The following RCN3 variants were observed in gnomAD, a reference collection of about 807,000 sequenced individuals.
RCN3 encodes the protein reticulocalbin-3.
A neutral mutation model predicts 35.9 loss-of-function variants in RCN3; 41 were observed. That is an observed-to-expected ratio of 1.14 (90% confidence interval 0.89 to 1.48). The LOEUF is 1.48. Ranked by LOEUF, RCN3 falls within the 40% of genes most tolerant of loss-of-function variation. RCN3 has a pLI of 0.00. For synonymous variants in RCN3, 187 were observed against 193.4 expected, an observed-to-expected ratio of 0.97 and a Z score of 0.27; for missense variants, 451 against 471.3, an observed-to-expected ratio of 0.96 and a Z score of 0.40.
chr19:49,532,855 T>C (rs1474939602), intron 2 of RCN3, among the ~76,000 whole-genome samples: 2 of 151,928 alleles, frequency 1.3e-5, no homozygotes, highest in East Asian at 3.9e-4. Flanking sequence ...TTTGTATTTT[T>C]AGTAGAGACA....
In RCN3 at chr19:49,537,164, C is replaced by A; in HGVS notation, c.577C>A (p.His193Asn). 1 of 1,574,090 alleles carries A rather than the reference C, an allele frequency of 6.4e-7. No individual in the cohort carries two copies. The highest frequency in any genetic ancestry group is 8.6e-7 in the Non-Finnish European group (1 of 1,158,488). The change falls in exon 4 of 7, where the codon CAC (histidine) becomes AAC (asparagine). Residue 193 changes from histidine to asparagine, a missense_variant. His to Asn is a moderately conservative substitution (Grantham distance 68). Transcript: ENST00000270645. ...ATREELTAFL[H>N]PEEFPHMRDI... is the part of the protein sequence containing the mutation. ...TCGAGAGGAGCTGACAGCCTTCCTG[C>A]ACCCCGAGGAGTTCCCTCACATGCG...
At chr19:49,540,809 G>A (rs956189634) in intron 5 of RCN3, among the ~76,000 whole-genome samples, 1 of 151,904 alleles carries the variant, frequency 6.6e-6, no homozygotes, top group African/African-American at 2.4e-5. Context: ...CTAGAGGGGT[G>A]AGGATGCTAC....
At position 49,543,254 on chromosome 19, in the gene RCN3, AC is replaced by A; in HGVS notation, c.*43del. 1 of 1,524,626 alleles carries A rather than the reference AC, an allele frequency of 6.6e-7. No homozygotes were observed. 94.4% of individuals were successfully genotyped at this position (1,524,626 alleles called of 1,614,324 possible). On this transcript the variant is annotated 3_prime_UTR_variant, in exon 7 of 7. Coordinates refer to ENST00000270645, the MANE Select transcript of RCN3 (RefSeq NM_020650.3). ...CACAGCCTCAGAGGCCCGCACAATG[AC>A]CGGAGGAGGGGCCGCTGTGGTCTGG... is the stretch of plus-strand genomic sequence containing the variant.
chr19:49,538,870 T>G (rs192911496), intron 4 of RCN3, among the ~76,000 whole-genome samples: 13 of 152,280 alleles, frequency 8.5e-5, no homozygotes, highest in African/African-American at 3.1e-4. Flanking sequence ...AACAAACCTG[T>G]GCACTGCTGG....
intron 3 of RCN3, among the ~76,000 whole-genome samples, chr19:49,535,865 T>TAGATAGATAG (rs1355882440): frequency 8.1e-4 from 115 of 142,414 alleles, no homozygotes; most frequent in African/African-American, 3.0e-3. Context: ...AAAAAAAATA[T>TAGATAGATAG]ATATATATAT....
intron 2 of RCN3, 83 bp downstream of exon 2, chr19:49,528,797 T>G (rs1193477056): frequency 5.8e-6 from 8 of 1,378,802 alleles, no homozygotes; most frequent in Non-Finnish European, 7.7e-6. Context: ...GTCAGAGAAA[T>G]GGCGTGGACT....
chr19:49,537,819 A>G (rs1315075018), intron 4 of RCN3, among the ~76,000 whole-genome samples: 1 of 143,384 alleles, frequency 7.0e-6, no homozygotes, highest in Non-Finnish European at 1.5e-5. Context: ...TTTTTTTTCT[A>G]GTAGAGATGG....
At chr19:49,530,285 G>A (rs947170776) in intron 2 of RCN3, among the ~76,000 whole-genome samples, 3 of 149,648 alleles carry the variant, frequency 2.0e-5, no homozygotes, top group African/African-American at 7.4e-5. Context: ...TCAGCCTTCC[G>A]AGTAGCTGGG....
At chr19:49,533,705 G>C (rs893545876) in intron 2 of RCN3, among the ~76,000 whole-genome samples, 32 of 152,142 alleles carry the variant, frequency 2.1e-4, no homozygotes, top group African/African-American at 7.2e-4. Flanking sequence ...GCCTGGTAAG[G>C]GGGAGGGGCA....
In RCN3 at chr19:49,542,731, G is replaced by A; in HGVS notation, c.858G>A (p.Leu286=). Reference sequence around the variant, plus strand: ...CCCTGGTGGAAGCCAACCACCTGCTGCACGAGAGCGACACGGACAAGGTGC... The same window carrying A: ...CCCTGGTGGAAGCCAACCACCTGCTACACGAGAGCGACACGGACAAGGTGC... The part of the protein sequence containing the change: ...DQPLVEANHL[L]HESDTDKDGR... The change falls in exon 6 of 7, where the codon CTG becomes CTA. Residue 286 remains leucine (L), a synonymous_variant. Transcript: ENST00000270645. The A allele has an allele frequency of 6.3e-7, 1 of 1,591,022 alleles. No individual in the cohort carries two copies. The highest frequency in any genetic ancestry group is 2.3e-5 in the East Asian group (1 of 44,126).
intron 5 of RCN3, among the ~76,000 whole-genome samples, chr19:49,540,863 C>G (rs1477937496): frequency 2.6e-5 from 4 of 151,818 alleles, no homozygotes; most frequent in Admixed American, 2.6e-4. Context: ...TTAGCATTCT[C>G]CGGTGCACAG....
At chr19:49,542,127 G>A (rs1305429090) in intron 5 of RCN3, among the ~76,000 whole-genome samples, 1 of 151,860 alleles carries the variant, frequency 6.6e-6, no homozygotes, top group Non-Finnish European at 1.5e-5. Flanking sequence ...TTGAATCTTG[G>A]CCTCAAATGA....
Position 49,537,129 on chromosome 19 carries a change from C to G in RCN3, c.542C>G (p.Ser181Trp), listed in dbSNP as rs1204022276. ...CGGGTGGCCGACCAGGATGGGGACTCGATGGCCACTCGAGAGGAGCTGACA... is the reference window on the plus strand; with the variant it reads ...CGGGTGGCCGACCAGGATGGGGACTGGATGGCCACTCGAGAGGAGCTGACA... ...RFRVADQDGD[S>W]MATREELTAF... Residue 181 changes from serine to tryptophan, a missense_variant, in exon 4 of 7, where the codon TCG (serine) becomes TGG (tryptophan). Coordinates refer to ENST00000270645, the MANE Select transcript of RCN3 (RefSeq NM_020650.3). 1.3e-6 allele frequency: 2 copies of G among 1,597,124 alleles called. No homozygotes were observed. The highest frequency in any genetic ancestry group is 1.7e-6 in the Non-Finnish European group (2 of 1,170,826).
rs1304061357 is a variant in RCN3, at chr19:49,534,262, G to A, written c.312G>A (p.Ala104=). The change falls in exon 3 of 7, where the codon GCG becomes GCA. Residue 104 remains alanine (A), a synonymous_variant. Transcript: ENST00000270645. ...DGWVSLAELR[A]WIAHTQQRHI... The stretch of plus-strand genomic sequence containing the variant: ...GGGTGTCGCTGGCCGAGCTTCGCGC[G>A]TGGATCGCGCACACGCAGCAGCGGC... 1.4e-6 allele frequency: 2 copies of A among 1,465,704 alleles called. No individual in the cohort carries two copies. Among genetic ancestry groups the A allele is most frequent in the Non-Finnish European group, 1.8e-6 (2 of 1,111,922 alleles). 90.8% of individuals were successfully genotyped at this position (1,465,704 alleles called of 1,614,324 possible). A position where few individuals can be genotyped will look rare whatever the true frequency, so the allele number is the denominator to read the frequency against.
chr19:49,539,931 C>T (rs1236036339), intron 5 of RCN3, among the ~76,000 whole-genome samples: 1 of 151,974 alleles, frequency 6.6e-6, no homozygotes. Context: ...CCATGTTGGC[C>T]AGGCTGGTCT....
chr19:49,536,630 A>T (rs2080136937), intron 3 of RCN3, among the ~76,000 whole-genome samples: 1 of 139,740 alleles, frequency 7.2e-6, no homozygotes, highest in African/African-American at 2.7e-5. Flanking sequence ...TTTTTTTGAG[A>T]CATAGCCTCC....
At chr19:49,529,799 C>T (rs1213762075) in intron 2 of RCN3, among the ~76,000 whole-genome samples, 1 of 152,110 alleles carries the variant, frequency 6.6e-6, no homozygotes, top group Non-Finnish European at 1.5e-5. Flanking sequence ...CTCTGTCACC[C>T]AGGCTGGAGT....
chr19:49,534,173 G>A lies in RCN3; in HGVS notation c.243-20G>A. On this transcript the variant is annotated intron_variant, in intron 2 of 6. Transcript: ENST00000270645. ...TGGGGGCGGGACCAGAGCCTGACGT[G>A]TGCCCGCCCCGGCTTCTAGGCGGAT... The A allele has an allele frequency of 2.0e-6, 3 of 1,477,654 alleles. No individual in the cohort carries two copies. Among genetic ancestry groups the A allele is most frequent in the Middle Eastern group, 2.2e-4 (1 of 4,538 alleles). The allele number at this position is 1,477,654 out of a possible 1,614,324, so 91.5% of individuals were successfully genotyped here.
In RCN3 at chr19:49,528,316, C is replaced by T. The variant is rs1601204613; in HGVS notation, c.-6-151C>T. 8.9e-6 allele frequency: 6 copies of T among 670,766 alleles called. No individual in the cohort carries two copies. The East Asian group carries it at 1.8e-4, about 20-fold the overall frequency. 41.6% of individuals were successfully genotyped at this position (670,766 alleles called of 1,614,324 possible). A position where few individuals can be genotyped will look rare whatever the true frequency, so the allele number is the denominator to read the frequency against. ...CTCTAAGCATCCCGCCCTCTTTTCC[C>T]CCATCGCCCGCCCTTTTTGAGCCCG... On this transcript the variant is annotated intron_variant, in intron 1 of 6. Transcript: ENST00000270645.
Sources: allele counts gnomAD v4.1 joint callset (sites outside exome capture counted in the v4.1 genomes callset), GRCh38; gene constraint gnomAD v4.1.1; transcripts MANE v1.5; gene names NCBI Gene and HGNC (gene_info 2026-07-23, HGNC 2026-07-21).